The following BBX variants were observed in gnomAD, a reference collection of about 807,000 sequenced individuals.
BBX encodes HMG box transcription factor BBX.
BBX carries 30 observed loss-of-function variants against 100.2 expected under a neutral mutation model. That is an observed-to-expected ratio of 0.30 (90% confidence interval 0.22 to 0.41). The LOEUF (loss-of-function observed/expected upper bound fraction) is 0.41. Among genes scored for constraint, BBX ranks in the 10% least tolerant of loss-of-function variants. The pLI, the probability that BBX is intolerant of heterozygous loss-of-function variation, is 1.00. For synonymous variants in BBX, 376 were observed against 388.1 expected, an observed-to-expected ratio of 0.97 and a Z score of 0.37; for missense variants, 1,023 against 1,129.8, an observed-to-expected ratio of 0.91 and a Z score of 1.35.
chr3:107,782,944 A>G (rs1314925753), intron 13 of BBX, among the ~76,000 whole-genome samples: 2 of 152,040 alleles, frequency 1.3e-5, no homozygotes, highest in African/African-American at 4.8e-5. Context: ...AACAGTTGTG[A>G]ATATTTGTTT....
At chr3:107,549,742 A>T (rs114640954) in intron 2 of BBX, among the ~76,000 whole-genome samples, 1,530 of 152,304 alleles carry the variant, frequency 0.01, 24 homozygotes, top group Middle Eastern at 0.017. Flanking sequence ...CATTCCTTGC[A>T]GCTGAAGTGC....
chr3:107,664,238 T>C (rs758725502), intron 3 of BBX, among the ~76,000 whole-genome samples: 15 of 152,246 alleles, frequency 9.9e-5, no homozygotes, highest in Non-Finnish European at 2.1e-4. Context: ...GGAGTTGAAT[T>C]GTTAGGTGAT....
intron 3 of BBX, among the ~76,000 whole-genome samples, chr3:107,663,564 CATACTT>C (rs1164136096): frequency 2.0e-5 from 3 of 152,002 alleles, no homozygotes; most frequent in Non-Finnish European, 2.9e-5. Context: ...TCGTTTTTCT[CATACTT>C]ATGTACCCCC....
chr3:107,701,998 G>A (rs909820331), intron 3 of BBX, among the ~76,000 whole-genome samples: 3 of 152,134 alleles, frequency 2.0e-5, no homozygotes, highest in Non-Finnish European at 4.4e-5. Flanking sequence ...TAATGGGCAC[G>A]GTGGGATTGA....
At chr3:107,617,906 C>T (rs2107678470) in intron 2 of BBX, among the ~76,000 whole-genome samples, 1 of 151,818 alleles carries the variant, frequency 6.6e-6, no homozygotes. Context: ...CACTGGCTTG[C>T]ACTTCCAGCA....
chr3:107,771,807 G>A lies in BBX; in HGVS notation c.907-821G>A, dbSNP rs532957120. ...AACCTTCTGTAATTGTTTAGCAAATGGTTATATCATTTCTAATTTCAAGTG... is the reference window on the plus strand; with the variant it reads ...AACCTTCTGTAATTGTTTAGCAAATAGTTATATCATTTCTAATTTCAAGTG... On this transcript the variant is annotated intron_variant, in intron 10 of 17. Transcript: ENST00000325805. Among the ~76,000 whole-genome samples the A allele has an allele frequency of 1.1e-4, 16 of 152,176 alleles. No individual in the cohort carries two copies. In the South Asian group the frequency reaches 3.3e-3, roughly 32 times the overall value.
chr3:107,778,668 TG>T, intron 13 of BBX, 149 bp downstream of exon 13: 1 of 903,122 alleles, frequency 1.1e-6, no homozygotes. Context: ...AGATTATCTT[TG>T]TCCCTTTTTT....
chr3:107,625,597 T>A (rs1407945734), intron 2 of BBX, among the ~76,000 whole-genome samples: 1 of 152,244 alleles, frequency 6.6e-6, no homozygotes, highest in Non-Finnish European at 1.5e-5. Flanking sequence ...TAATTCTAGA[T>A]TCATCCATTG....
At chr3:107,555,928 T>G (rs936421196) in intron 2 of BBX, among the ~76,000 whole-genome samples, 5 of 152,208 alleles carry the variant, frequency 3.3e-5, no homozygotes, top group African/African-American at 1.2e-4. Flanking sequence ...AGAAAATACA[T>G]ATTTCTGCAA....
intron 16 of BBX, 131 bp downstream of exon 16, chr3:107,798,851 CAAAAACAAA>C (rs2070061692): frequency 9.1e-6 from 8 of 878,780 alleles, no homozygotes; most frequent in African/African-American, 1.8e-5. Flanking sequence ...AAAAAAAAAA[CAAAAACAAA>C]AAAAACCAGG....
At chr3:107,689,657 A>G (rs1410006440) in intron 3 of BBX, among the ~76,000 whole-genome samples, 2 of 152,242 alleles carry the variant, frequency 1.3e-5, no homozygotes, top group Non-Finnish European at 2.9e-5. Context: ...TGTATTTAGT[A>G]TAGTTAAGTC....
At chr3:107,644,129 T>G (rs2057381086) in intron 2 of BBX, among the ~76,000 whole-genome samples, 1 of 152,164 alleles carries the variant, frequency 6.6e-6, no homozygotes, top group Non-Finnish European at 1.5e-5. Flanking sequence ...TTGGAGTATA[T>G]TCAATTATAT....
At chr3:107,559,915 T>A (rs555071582) in intron 2 of BBX, among the ~76,000 whole-genome samples, 32 of 152,112 alleles carry the variant, frequency 2.1e-4, no homozygotes, top group Non-Finnish European at 3.7e-4. Context: ...GCCTTATGTT[T>A]GTATTTTTTG....
At chr3:107,760,381 A>T (rs937933437) in intron 10 of BBX, among the ~76,000 whole-genome samples, 3 of 152,310 alleles carry the variant, frequency 2.0e-5, no homozygotes, top group South Asian at 2.1e-4. Flanking sequence ...TTTTCTTTTT[A>T]AAAAATGTCT....
At chr3:107,601,162 G>A (rs1433265584) in intron 2 of BBX, among the ~76,000 whole-genome samples, 1 of 152,186 alleles carries the variant, frequency 6.6e-6, no homozygotes. Flanking sequence ...ATTGGTAAAA[G>A]TTGTGTGTTC....
intron 2 of BBX, among the ~76,000 whole-genome samples, chr3:107,562,090 T>C (rs1172736577): frequency 6.6e-6 from 1 of 152,234 alleles, no homozygotes. Context: ...TATTCACATT[T>C]CCATGCACTA....
chr3:107,688,153 A>C (rs1179444638), intron 3 of BBX, among the ~76,000 whole-genome samples: 1 of 152,208 alleles, frequency 6.6e-6, no homozygotes, highest in African/African-American at 2.4e-5. Context: ...ATGCCACAAA[A>C]TTCCAGTTCT....
chr3:107,766,890 T>C (rs1261230853), intron 10 of BBX, among the ~76,000 whole-genome samples: 1 of 152,102 alleles, frequency 6.6e-6, no homozygotes, highest in East Asian at 1.9e-4. Flanking sequence ...AAAGAATGAG[T>C]TCATGTCCTT....
chr3:107,700,578 T>C (rs1295689087), intron 3 of BBX, among the ~76,000 whole-genome samples: 1 of 145,962 alleles, frequency 6.9e-6, no homozygotes, highest in Non-Finnish European at 1.5e-5. Flanking sequence ...CCTAATGCTA[T>C]CCCTTCCCCC....
Sources: allele counts gnomAD v4.1 joint callset (sites outside exome capture counted in the v4.1 genomes callset), GRCh38; gene constraint gnomAD v4.1.1; transcripts MANE v1.5; gene names NCBI Gene and HGNC (gene_info 2026-07-23, HGNC 2026-07-21).